The following TENM3 variants were observed in gnomAD, a reference collection of about 807,000 sequenced individuals.
TENM3 encodes the protein teneurin-3.
Under a neutral mutation model 255.1 loss-of-function variants are expected in TENM3, and 63 were observed. That is an observed-to-expected ratio of 0.25 (90% CI 0.20 to 0.30). The LOEUF is 0.30. Ranked by LOEUF, TENM3 falls within the 10% of genes least tolerant of loss-of-function variation. The probability of loss-of-function intolerance (pLI) is 1.00; values close to 1 mark genes in which losing one functional copy is unlikely to be tolerated. For synonymous variants in TENM3, 1,306 were observed against 1,322.3 expected (o/e 0.99, Z 0.27); for missense variants, 2,929 against 3,461.1 (o/e 0.85, Z 3.86).
rs1410728510 is a variant in TENM3, at chr4:182,729,010, C to G, written c.2414C>G (p.Ser805Cys). 1.2e-6 allele frequency: 2 copies of G among 1,613,852 alleles called. No homozygotes were observed. Among genetic ancestry groups the G allele is most frequent in the Non-Finnish European group, 1.7e-6 (2 of 1,179,896 alleles). ...GATCCCGATTGCTGCCTACAGAGTT[C>G]CTGCCAGAATCAGCCCTATTGTCGG... is the stretch of plus-strand genomic sequence containing the variant. ...CMDPDCCLQS[S>C]CQNQPYCRGL... The change falls in exon 14 of 28, where the codon TCC (serine) becomes TGC (cysteine). Residue 805 changes from serine (S) to cysteine (C), a missense_variant. Physicochemically the swap from Ser to Cys is moderately radical, Grantham distance 112. This residue lies in a region of TENM3 where 1,608 missense variants were observed against 1,884.4 expected (regional missense o/e 0.85). Coordinates refer to ENST00000511685, the MANE Select transcript of TENM3 (RefSeq NM_001080477.4).
intron 1 of TENM3, among the ~76,000 whole-genome samples, chr4:182,156,913 C>A (rs1005174997): frequency 1.3e-5 from 2 of 152,038 alleles, no homozygotes; most frequent in South Asian, 2.1e-4. Flanking sequence ...AGGGAGTTTT[C>A]GTTTCTAGTT....
the TENM3 span, among the ~76,000 whole-genome samples, chr4:181,941,119 A>T: frequency 6.6e-6 from 1 of 152,240 alleles, no homozygotes; most frequent in Non-Finnish European, 1.5e-5. Context: ...GATGTTACAA[A>T]TAACTCTCAA....
At chr4:181,657,842 G>A in the TENM3 span, among the ~76,000 whole-genome samples, 1 of 152,144 alleles carries the variant, frequency 6.6e-6, no homozygotes, top group Non-Finnish European at 1.5e-5. Context: ...CAGCAACGTG[G>A]GTGGAACCGG....
At chr4:182,471,708 A>G (rs1733141571) in intron 3 of TENM3, among the ~76,000 whole-genome samples, 1 of 152,112 alleles carries the variant, frequency 6.6e-6, no homozygotes, top group African/African-American at 2.4e-5. Context: ...ATTATATTAT[A>G]AAATAAACAT....
chr4:182,002,809 A>G, the TENM3 span, among the ~76,000 whole-genome samples: 15 of 152,124 alleles, frequency 9.9e-5, no homozygotes, highest in African/African-American at 3.1e-4. Flanking sequence ...CTGAAAGAAG[A>G]CCTGCATTCA....
At chr4:181,781,499 C>T in the TENM3 span, among the ~76,000 whole-genome samples, 1 of 152,162 alleles carries the variant, frequency 6.6e-6, no homozygotes, top group African/African-American at 2.4e-5. Flanking sequence ...AGTTGCTTAT[C>T]AGCTTAAAGA....
chr4:181,606,441 T>C, the TENM3 span, among the ~76,000 whole-genome samples: 4 of 152,192 alleles, frequency 2.6e-5, no homozygotes, highest in African/African-American at 9.7e-5. Context: ...TGCCCTTTAA[T>C]CTACTCTAGA....
At chr4:181,841,435 CATA>C in the TENM3 span, among the ~76,000 whole-genome samples, 15 of 151,726 alleles carry the variant, frequency 9.9e-5, no homozygotes, top group Admixed American at 9.9e-4. Context: ...CAGAATCTCT[CATA>C]GTAATGCCTG....
chr4:182,040,687 G>T, the TENM3 span, among the ~76,000 whole-genome samples: 1 of 152,262 alleles, frequency 6.6e-6, no homozygotes, highest in Middle Eastern at 3.4e-3. Flanking sequence ...TGAAAAACTA[G>T]TTTTCTCCCA....
At position 182,730,189 on chromosome 4, in the gene TENM3, T is replaced by C. The variant is rs1270327518; in HGVS notation, c.2586-11T>C. On this transcript the variant is annotated splice_polypyrimidine_tract_variant and intron_variant, in intron 14 of 27. Transcript: ENST00000511685. Reference sequence around the variant, plus strand: ...CAGATGTTCATTCTCATTCTTCTGCTTTTCCAACAGCCTTGCATCTGTCAT... The same window carrying C: ...CAGATGTTCATTCTCATTCTTCTGCCTTTCCAACAGCCTTGCATCTGTCAT... The C allele has an allele frequency of 6.2e-7, 1 of 1,613,476 alleles. No homozygotes were observed. The highest frequency in any genetic ancestry group is 2.2e-5 in the East Asian group (1 of 44,850).
the TENM3 span, among the ~76,000 whole-genome samples, chr4:181,686,464 T>C: frequency 1.3e-5 from 2 of 152,152 alleles, no homozygotes; most frequent in Non-Finnish European, 2.9e-5. Context: ...TTCAGGCTGT[T>C]TTTAACATAA....
chr4:182,343,925 G>A (rs1029004729), intron 2 of TENM3, among the ~76,000 whole-genome samples: 1 of 152,178 alleles, frequency 6.6e-6, no homozygotes, highest in Non-Finnish European at 1.5e-5. Context: ...GAGGTCTGGA[G>A]CAGGGATGTT....
intron 1 of TENM3, among the ~76,000 whole-genome samples, chr4:182,195,692 A>G (rs1753797390): frequency 6.6e-6 from 1 of 152,116 alleles, no homozygotes; most frequent in Admixed American, 6.5e-5. Flanking sequence ...ACTTCGCTAC[A>G]CTCAGTATTA....
At chr4:182,778,514 A>G (rs1485319454) in intron 24 of TENM3, among the ~76,000 whole-genome samples, 1 of 152,094 alleles carries the variant, frequency 6.6e-6, no homozygotes, top group Admixed American at 6.6e-5. Flanking sequence ...GACAAAAGAG[A>G]GTCTTGATAT....
chr4:181,652,981 A>G, the TENM3 span, among the ~76,000 whole-genome samples: 1 of 152,292 alleles, frequency 6.6e-6, no homozygotes, highest in African/African-American at 2.4e-5. Context: ...GGAAATAGCA[A>G]TTCTTTCAAT....
chr4:182,534,704 G>T (rs1009136221), intron 3 of TENM3, among the ~76,000 whole-genome samples: 12 of 152,324 alleles, frequency 7.9e-5, no homozygotes, highest in Middle Eastern at 3.4e-3. Flanking sequence ...AAGCGATGGA[G>T]ATAGAATTCA....
Position 182,792,987 on chromosome 4 carries a change from G to T in TENM3, c.6315G>T (p.Gln2105His). 6.2e-7 allele frequency: 1 copy of T among 1,613,916 alleles called. No individual in the cohort carries two copies. The highest frequency in any genetic ancestry group is 8.5e-7 in the Non-Finnish European group (1 of 1,179,856). ...CGCTCATGTACTGGATTACAATTCA[G>T]TATGATAACATGGGTCGGGTAACCA... ...FRSLMYWITI[Q>H]YDNMGRVTKR... Residue 2105 changes from glutamine to histidine, a missense_variant, in exon 26 of 28, where the codon CAG becomes CAT. Physicochemically the swap from Gln to His is conservative, Grantham distance 24. Around this residue, in one of 6 missense-constraint regions of TENM3, gnomAD observed 256 missense variants for 389.3 expected, o/e 0.66. Transcript: ENST00000511685. This position sits in a 1 kb window ranked among gnomAD's most constrained non-coding sequence, Gnocchi z 6.3.
the TENM3 span, among the ~76,000 whole-genome samples, chr4:181,463,226 T>G: frequency 6.6e-6 from 1 of 152,300 alleles, no homozygotes; most frequent in East Asian, 1.9e-4. Flanking sequence ...CTATCAAAAT[T>G]ATTTTCTTTA....
intron 4 of TENM3, among the ~76,000 whole-genome samples, chr4:182,609,177 A>G (rs1423864511): frequency 6.6e-6 from 1 of 152,194 alleles, no homozygotes; most frequent in Non-Finnish European, 1.5e-5. Flanking sequence ...AAATTTTTGT[A>G]GAGACTGGGT....
Sources: allele counts gnomAD v4.1 joint callset (sites outside exome capture counted in the v4.1 genomes callset), GRCh38; gene constraint gnomAD v4.1.1; regional missense constraint gnomAD v4.1.1; non-coding constraint Gnocchi (gnomAD v3.1); transcripts MANE v1.5; gene names NCBI Gene and HGNC (gene_info 2026-07-23, HGNC 2026-07-21).